BCKDHB: variants seen among roughly 807,000 people sequenced by gnomAD.
BCKDHB encodes branched chain keto acid dehydrogenase E1 subunit beta, also known as 2-oxoisovalerate dehydrogenase subunit beta, mitochondrial.
BCKDHB carries 41 observed loss-of-function variants against 48.5 expected under a neutral mutation model. The observed-to-expected ratio is 0.85, with a 90% CI of 0.66 to 1.10. The LOEUF (loss-of-function observed/expected upper bound fraction) is 1.10, where lower values mean the gene tolerates loss of function less well. Ranked by LOEUF, BCKDHB falls within the 50% of genes least tolerant of loss-of-function variation. The pLI is 0.00. For synonymous variants in BCKDHB, 201 were observed against 174.8 expected (o/e 1.15, Z -1.18); for missense variants, 496 against 494.2 (o/e 1.00, Z -0.03).
the BCKDHB span, among the ~76,000 whole-genome samples, chr6:80,414,617 A>G: frequency 3.3e-5 from 5 of 152,296 alleles, no homozygotes; most frequent in South Asian, 8.3e-4. Context: ...CTATTGGCCT[A>G]CATGACTGCT....
downstream of BCKDHB, among the ~76,000 whole-genome samples, chr6:80,347,717 A>G (rs145900442): frequency 1.7e-3 from 261 of 152,268 alleles, 3 homozygotes; most frequent in African/African-American, 5.8e-3. Context: ...GCCTCTTTTC[A>G]CCTCTAGTTA....
chr6:80,163,022 A>G (rs567694314), intron 3 of BCKDHB, among the ~76,000 whole-genome samples: 12 of 151,954 alleles, frequency 7.9e-5, no homozygotes, highest in African/African-American at 2.9e-4. Context: ...TCCTGGGTTC[A>G]AATGATCCTC....
At chr6:80,391,302 A>G in the BCKDHB span, among the ~76,000 whole-genome samples, 2 of 151,960 alleles carry the variant, frequency 1.3e-5, no homozygotes, top group Admixed American at 1.3e-4. Context: ...AGAACCTGTC[A>G]CTCTCACCTT....
intron 6 of BCKDHB, among the ~76,000 whole-genome samples, chr6:80,180,137 A>C (rs1269910874): frequency 2.6e-5 from 4 of 152,360 alleles, no homozygotes; most frequent in Middle Eastern, 6.8e-3. Flanking sequence ...CGTACAGATG[A>C]AAATAAGTCA....
chr6:80,358,177 T>A, the BCKDHB span, among the ~76,000 whole-genome samples: 1 of 152,120 alleles, frequency 6.6e-6, no homozygotes, highest in Non-Finnish European at 1.5e-5. Context: ...ACCTTCTATG[T>A]ATTATTTTTA....
intron 9 of BCKDHB, among the ~76,000 whole-genome samples, chr6:80,321,289 G>A (rs1225298378): frequency 2.6e-5 from 4 of 152,144 alleles, no homozygotes; most frequent in Admixed American, 2.0e-4. Context: ...GATGGGAAGA[G>A]ATCTAGAGAA....
In BCKDHB at chr6:80,171,310, C is replaced by T; in HGVS notation, c.662C>T (p.Ala221Val). The change falls in exon 6 of 10, where the codon GCC (alanine) becomes GTC (valine). Residue 221 changes from alanine (A) to valine (V), a missense_variant. Transcript: ENST00000320393. ...GTTATACCCAGAAGCCCTTTCCAGG[C>T]CAAAGGACTTCTTTTGTCATGCATA... ...KVVIPRSPFQ[A>V]KGLLLSCIED... 1 of 1,608,586 alleles carries T rather than the reference C, an allele frequency of 6.2e-7. No individual in the cohort carries two copies. Among genetic ancestry groups the T allele is most frequent in the Non-Finnish European group, 8.5e-7 (1 of 1,177,522 alleles).
the BCKDHB span, among the ~76,000 whole-genome samples, chr6:80,389,083 T>G: frequency 1.3e-5 from 2 of 152,178 alleles, no homozygotes; most frequent in African/African-American, 4.8e-5. Flanking sequence ...GGCCAAAAAC[T>G]GTGAAGATAT....
chr6:80,304,982 C>T (rs1172715157), intron 9 of BCKDHB, among the ~76,000 whole-genome samples: 1 of 152,058 alleles, frequency 6.6e-6, no homozygotes, highest in Non-Finnish European at 1.5e-5. Context: ...GCTTTAATAT[C>T]AGAAACCATG....
chr6:80,299,504 G>A (rs764971627), intron 9 of BCKDHB, among the ~76,000 whole-genome samples: 7 of 152,128 alleles, frequency 4.6e-5, no homozygotes, highest in East Asian at 1.9e-4. Context: ...CTTGGATCTC[G>A]TGCAAGAAAG....
the BCKDHB span, among the ~76,000 whole-genome samples, chr6:80,409,964 T>C: frequency 6.6e-6 from 1 of 152,246 alleles, no homozygotes; most frequent in African/African-American, 2.4e-5. Context: ...ATTATGATGT[T>C]ATGTGTGAAT....
intron 9 of BCKDHB, among the ~76,000 whole-genome samples, chr6:80,288,332 A>ACTTCAT (rs1554208142): frequency 1.3e-5 from 2 of 151,356 alleles, no homozygotes; most frequent in East Asian, 3.9e-4. Context: ...ATTGTTAAGC[A>ACTTCAT]TTTATTATTT....
the BCKDHB span, among the ~76,000 whole-genome samples, chr6:80,363,863 C>T: frequency 3.9e-5 from 6 of 152,260 alleles, no homozygotes; most frequent in Non-Finnish European, 7.4e-5. Context: ...GCAAAAATTA[C>T]GTAGGTGGCT....
At chr6:80,410,162 C>T in the BCKDHB span, among the ~76,000 whole-genome samples, 2 of 152,132 alleles carry the variant, frequency 1.3e-5, no homozygotes, top group Non-Finnish European at 2.9e-5. Context: ...AATCTCTCAG[C>T]AATTGCGTGT....
intron 8 of BCKDHB, among the ~76,000 whole-genome samples, chr6:80,224,106 G>T (rs1477168246): frequency 6.6e-6 from 1 of 152,142 alleles, no homozygotes; most frequent in East Asian, 1.9e-4. Context: ...GTTAGAGCCA[G>T]ATTTTCCACT....
chr6:80,295,935 A>T (rs1002270015), intron 9 of BCKDHB, among the ~76,000 whole-genome samples: 1 of 152,230 alleles, frequency 6.6e-6, no homozygotes, highest in Non-Finnish European at 1.5e-5. Flanking sequence ...CCAAACCAGT[A>T]ATGTAAAATA....
At position 80,159,105 on chromosome 6, in the gene BCKDHB, G is replaced by T. The variant is rs562955507; in HGVS notation, c.344-8573G>T. Reference sequence around the variant, plus strand: ...AATAATAAGGTGACTATAACCCTTGGTTTACCCAGGTTAGTCCTGTTTGCC... The same window carrying T: ...AATAATAAGGTGACTATAACCCTTGTTTTACCCAGGTTAGTCCTGTTTGCC... On this transcript the variant is annotated intron_variant, in intron 3 of 9. Transcript: ENST00000320393. 5.3e-5 allele frequency among the ~76,000 whole-genome samples: 8 copies of T among 152,160 alleles called. No homozygotes were observed. The East Asian group carries it at 1.5e-3, about 29-fold the overall frequency.
intron 3 of BCKDHB, among the ~76,000 whole-genome samples, chr6:80,145,317 C>CA (rs1771427394): frequency 6.6e-6 from 1 of 152,188 alleles, no homozygotes; most frequent in African/African-American, 2.4e-5. Flanking sequence ...AGCATACACA[C>CA]AAAAGCCTGT....
the BCKDHB span, among the ~76,000 whole-genome samples, chr6:80,432,386 T>C: frequency 6.6e-6 from 1 of 152,162 alleles, no homozygotes; most frequent in African/African-American, 2.4e-5. Flanking sequence ...TTCCTTTTTA[T>C]TCTTTTTTCT....
Sources: gnomAD v4.1 joint callset for allele counts (sites outside exome capture counted in the v4.1 genomes callset) on GRCh38, gnomAD v4.1.1 for gene constraint, MANE v1.5 for transcripts, NCBI Gene and HGNC (gene_info 2026-07-23, HGNC 2026-07-21) for gene names.